ABTB3: variants seen among roughly 807,000 people sequenced by gnomAD.
The protein encoded by ABTB3 is ankyrin repeat and BTB domain containing 3, also known as ankyrin repeat- and BTB/POZ domain-containing protein 3.
At chr12:107,343,174 C>T in the ABTB3 span, among the ~76,000 whole-genome samples, 1 of 152,092 alleles carries the variant, frequency 6.6e-6, no homozygotes, top group African/African-American at 2.4e-5. Flanking sequence ...ACCACCACAC[C>T]TGGCTGTTTT....
chr12:107,474,013 ACCTCAGGTGAT>A, the ABTB3 span, among the ~76,000 whole-genome samples: 1 of 152,018 alleles, frequency 6.6e-6, no homozygotes, highest in East Asian at 1.9e-4. Flanking sequence ...CAAACTCCTG[ACCTCAGGTGAT>A]CCACCTGCCT....
chr12:107,428,852 T>C, the ABTB3 span, among the ~76,000 whole-genome samples: 1 of 152,380 alleles, frequency 6.6e-6, no homozygotes, highest in Admixed American at 6.5e-5. Context: ...ACTCGTCATG[T>C]CACTTAATCC....
At chr12:107,425,386 G>T in the ABTB3 span, among the ~76,000 whole-genome samples, 1 of 152,192 alleles carries the variant, frequency 6.6e-6, no homozygotes, top group African/African-American at 2.4e-5. Context: ...AGATTTCCTT[G>T]TGGGGTGAGG....
At chr12:107,656,771 C>G in the ABTB3 span, among the ~76,000 whole-genome samples, 3 of 152,128 alleles carry the variant, frequency 2.0e-5, no homozygotes, top group Non-Finnish European at 4.4e-5. Flanking sequence ...GTGCTGTGTC[C>G]TCAGAATCAG....
the ABTB3 span, among the ~76,000 whole-genome samples, chr12:107,432,987 T>C: frequency 6.6e-6 from 1 of 152,146 alleles, no homozygotes; most frequent in Non-Finnish European, 1.5e-5. Flanking sequence ...GGTTAACACA[T>C]TCAAGACAAG....
chr12:107,325,719 CTTA>C, the ABTB3 span, among the ~76,000 whole-genome samples: 1 of 152,178 alleles, frequency 6.6e-6, no homozygotes, highest in Non-Finnish European at 1.5e-5. Context: ...TATTACCAGA[CTTA>C]TTATCTACTG....
the ABTB3 span, among the ~76,000 whole-genome samples, chr12:107,378,629 C>T: frequency 3.3e-5 from 5 of 152,180 alleles, no homozygotes; most frequent in Non-Finnish European, 7.3e-5. Context: ...ACCTTGTCCC[C>T]TTACGGCCCT....
At chr12:107,426,175 G>T in the ABTB3 span, among the ~76,000 whole-genome samples, 1 of 152,104 alleles carries the variant, frequency 6.6e-6, no homozygotes, top group Non-Finnish European at 1.5e-5. Flanking sequence ...ACTTCACAGC[G>T]GTGCCGTGTC....
At chr12:107,477,978 G>T in the ABTB3 span, among the ~76,000 whole-genome samples, 1 of 152,178 alleles carries the variant, frequency 6.6e-6, no homozygotes, top group Admixed American at 6.5e-5. Context: ...AGACCTGAGG[G>T]GAATTTCCTC....
At chr12:107,541,187 G>T in the ABTB3 span, among the ~76,000 whole-genome samples, 46 of 152,332 alleles carry the variant, frequency 3.0e-4, no homozygotes, top group African/African-American at 1.0e-3. Context: ...GAAGCCAGGA[G>T]ATGAGTCCTA....
chr12:107,373,436 C>T, the ABTB3 span, among the ~76,000 whole-genome samples: 1 of 152,182 alleles, frequency 6.6e-6, no homozygotes, highest in African/African-American at 2.4e-5. Context: ...AAACACTCCC[C>T]TGGGGTTCGC....
At chr12:107,497,681 G>C in the ABTB3 span, among the ~76,000 whole-genome samples, 1 of 152,134 alleles carries the variant, frequency 6.6e-6, no homozygotes, top group Non-Finnish European at 1.5e-5. Flanking sequence ...GGCATTTCTC[G>C]CAATCATTCT....
At chr12:107,553,685 T>C in the ABTB3 span, among the ~76,000 whole-genome samples, 1 of 152,174 alleles carries the variant, frequency 6.6e-6, no homozygotes, top group Non-Finnish European at 1.5e-5. Context: ...AAACCTGTAA[T>C]CCCAGCATTT....
chr12:107,603,930 G>C, the ABTB3 span, among the ~76,000 whole-genome samples: 1 of 152,192 alleles, frequency 6.6e-6, no homozygotes, highest in African/African-American at 2.4e-5. Flanking sequence ...AGCACTTTGG[G>C]AGGCTGAGGC....
the ABTB3 span, among the ~76,000 whole-genome samples, chr12:107,550,306 T>C: frequency 6.6e-6 from 1 of 152,020 alleles, no homozygotes; most frequent in Non-Finnish European, 1.5e-5. Flanking sequence ...GGACCTGTCA[T>C]TGTTTCCCCT....
At chr12:107,539,172 T>C in the ABTB3 span, among the ~76,000 whole-genome samples, 1 of 152,080 alleles carries the variant, frequency 6.6e-6, no homozygotes, top group Non-Finnish European at 1.5e-5. Context: ...ACATGGTAGG[T>C]GCTCAGCATA....
At chr12:107,426,183 G>A in the ABTB3 span, among the ~76,000 whole-genome samples, 1 of 152,160 alleles carries the variant, frequency 6.6e-6, no homozygotes, top group Admixed American at 6.5e-5. Context: ...GCGGTGCCGT[G>A]TCCCTCTTTT....
At chr12:107,591,019 G>A in the ABTB3 span, among the ~76,000 whole-genome samples, 2 of 152,200 alleles carry the variant, frequency 1.3e-5, no homozygotes, top group Non-Finnish European at 2.9e-5. Flanking sequence ...CATGTGCTTA[G>A]TACAAAGTGC....
At chr12:107,622,846 C>G in the ABTB3 span, among the ~76,000 whole-genome samples, 1 of 152,178 alleles carries the variant, frequency 6.6e-6, no homozygotes, top group Admixed American at 6.5e-5. Context: ...CTTATAGAAA[C>G]AGCTGTCCTG....
Sources: allele counts gnomAD v4.1 joint callset (sites outside exome capture counted in the v4.1 genomes callset), GRCh38; gene constraint gnomAD v4.1.1; transcripts MANE v1.5; gene names NCBI Gene and HGNC (gene_info 2026-07-23, HGNC 2026-07-21).